Variants in SPOCK1 observed in about 807,000 individuals in gnomAD.
SPOCK1 encodes the protein SPARC (osteonectin), cwcv and kazal like domains proteoglycan 1, also known as testican-1.
Under a neutral mutation model 55.3 loss-of-function variants are expected in SPOCK1, and 23 were observed. The ratio of observed to expected loss-of-function variants is 0.42; its 90% CI spans 0.30 to 0.59. The LOEUF is 0.59. SPOCK1 is among the 20% of genes least tolerant of loss of function. SPOCK1 has a pLI of 0.22. For synonymous variants in SPOCK1, 226 were observed against 221.0 expected, an observed-to-expected ratio of 1.02 and a Z score of -0.20; for missense variants, 499 against 552.5, an observed-to-expected ratio of 0.90 and a Z score of 0.97.
chr5:137,280,242 G>A (rs1480574538), intron 2 of SPOCK1, among the ~76,000 whole-genome samples: 2 of 152,106 alleles, frequency 1.3e-5, no homozygotes, highest in Non-Finnish European at 2.9e-5. Flanking sequence ...CATCAATAAG[G>A]ACATATTTAT....
At chr5:137,266,534 G>A (rs1756855941) in intron 3 of SPOCK1, among the ~76,000 whole-genome samples, 1 of 152,134 alleles carries the variant, frequency 6.6e-6, no homozygotes, top group Non-Finnish European at 1.5e-5. Flanking sequence ...TCTGAAACAG[G>A]CTTCTATTTA....
chr5:137,024,314 A>AGGTG (rs71583270), intron 6 of SPOCK1, among the ~76,000 whole-genome samples: 2 of 119,194 alleles, frequency 1.7e-5, no homozygotes, highest in Non-Finnish European at 3.4e-5. Context: ...ACCAGTTTGA[A>AGGTG]GGGGGGGGGG....
intron 5 of SPOCK1, among the ~76,000 whole-genome samples, chr5:137,090,568 C>A (rs1311041202): frequency 6.6e-6 from 1 of 152,230 alleles, no homozygotes; most frequent in Non-Finnish European, 1.5e-5. Context: ...CATCTCCACA[C>A]CCCTCACCTC....
At chr5:137,089,399 A>C (rs189694478) in intron 5 of SPOCK1, among the ~76,000 whole-genome samples, 88 of 152,304 alleles carry the variant, frequency 5.8e-4, no homozygotes, top group African/African-American at 2.0e-3. Flanking sequence ...GTCATGGCCA[A>C]CATACTAACT....
At chr5:137,134,922 G>A (rs558357689) in intron 4 of SPOCK1, among the ~76,000 whole-genome samples, 8 of 152,284 alleles carry the variant, frequency 5.3e-5, no homozygotes, top group South Asian at 2.1e-4. Context: ...CTCTCAGATC[G>A]GTCTACTGTA....
At chr5:137,217,268 A>G (rs1024689253) in intron 3 of SPOCK1, among the ~76,000 whole-genome samples, 6 of 152,222 alleles carry the variant, frequency 3.9e-5, no homozygotes, top group Non-Finnish European at 8.8e-5. Flanking sequence ...TGGTTGTAGG[A>G]GCACTGAGAG....
chr5:137,410,842 G>A (rs922241520), intron 2 of SPOCK1, among the ~76,000 whole-genome samples: 5 of 152,184 alleles, frequency 3.3e-5, no homozygotes, highest in Admixed American at 6.5e-5. Flanking sequence ...GGAGAGACAG[G>A]CAGCAATGCA....
At chr5:137,194,117 C>T (rs1250932064) in intron 3 of SPOCK1, among the ~76,000 whole-genome samples, 2 of 152,124 alleles carry the variant, frequency 1.3e-5, no homozygotes, top group Non-Finnish European at 2.9e-5. Flanking sequence ...GGCAGAATGG[C>T]GAAGCATTTA....
intron 2 of SPOCK1, among the ~76,000 whole-genome samples, chr5:137,353,339 T>C (rs1270052671): frequency 1.3e-5 from 2 of 152,174 alleles, no homozygotes; most frequent in African/African-American, 4.8e-5. Flanking sequence ...AGAGATCACA[T>C]AACTGCACTC....
chr5:137,267,473 C>T (rs556719068), intron 2 of SPOCK1, among the ~76,000 whole-genome samples: 18 of 152,172 alleles, frequency 1.2e-4, no homozygotes, highest in Admixed American at 4.6e-4. Context: ...CATACAGACA[C>T]GCATCTTGTG....
chr5:137,173,257 A>G (rs1202800314), intron 3 of SPOCK1, among the ~76,000 whole-genome samples: 2 of 152,164 alleles, frequency 1.3e-5, no homozygotes, highest in Non-Finnish European at 2.9e-5. Flanking sequence ...CAAATTCACT[A>G]CAGCCAAGAA....
intron 3 of SPOCK1, 26 bp from the exon 4 acceptor site, chr5:137,140,720 A>G: frequency 8.9e-7 from 1 of 1,128,504 alleles, no homozygotes; most frequent in Non-Finnish European, 1.3e-6. Context: ...GAAGGAGGGC[A>G]GGGTTTAGGA....
chr5:137,028,805 A>G (rs151122569), intron 6 of SPOCK1, among the ~76,000 whole-genome samples: 21 of 152,212 alleles, frequency 1.4e-4, no homozygotes, highest in Admixed American at 5.2e-4. Context: ...ACACATCCAG[A>G]CAATGTGTCA....
At chr5:137,140,782 G>C in intron 3 of SPOCK1, 88 bp from the exon 4 acceptor site, 1 of 800,312 alleles carries the variant, frequency 1.2e-6, no homozygotes, top group East Asian at 3.1e-5. Context: ...TTGTTGAGAC[G>C]GACTCTCGCT....
At chr5:137,103,211 C>G (rs923864006) in intron 5 of SPOCK1, among the ~76,000 whole-genome samples, 6 of 152,154 alleles carry the variant, frequency 3.9e-5, no homozygotes, top group Non-Finnish European at 7.3e-5. Flanking sequence ...GACTCAAATT[C>G]CTGACCTCAG....
intron 2 of SPOCK1, among the ~76,000 whole-genome samples, chr5:137,368,871 G>A (rs929361186): frequency 2.6e-5 from 4 of 152,208 alleles, no homozygotes; most frequent in African/African-American, 9.7e-5. Flanking sequence ...ATGGCCTCAT[G>A]CCTGCCTGGT....
chr5:137,399,576 C>T (rs1311213684), intron 2 of SPOCK1, among the ~76,000 whole-genome samples: 1 of 151,758 alleles, frequency 6.6e-6, no homozygotes, highest in Non-Finnish European at 1.5e-5. Flanking sequence ...TTATTCCATG[C>T]AGAGATTGAC....
chr5:137,491,800 C>T (rs2348606), intron 2 of SPOCK1, among the ~76,000 whole-genome samples: 49,035 of 152,006 alleles, frequency 0.32, 8,751 homozygotes, highest in South Asian at 0.47. Flanking sequence ...GCTTATTGGC[C>T]ACCTGCTGTG....
chr5:137,171,189 G>T (rs974643968), intron 3 of SPOCK1, among the ~76,000 whole-genome samples: 1 of 152,114 alleles, frequency 6.6e-6, no homozygotes, highest in Non-Finnish European at 1.5e-5. Flanking sequence ...CTGACAATCT[G>T]CTCTTCTCCC....
Sources: gnomAD v4.1 joint callset for allele counts (sites outside exome capture counted in the v4.1 genomes callset) on GRCh38, gnomAD v4.1.1 for gene constraint, MANE v1.5 for transcripts, NCBI Gene and HGNC (gene_info 2026-07-23, HGNC 2026-07-21) for gene names.